The following ARHGAP32 variants were observed in gnomAD, a reference collection of about 807,000 sequenced individuals.
The protein encoded by ARHGAP32 is Rho GTPase activating protein 32, also known as rho GTPase-activating protein 32.
In ARHGAP32, 51 loss-of-function variants were observed where a neutral mutation model predicts 186.5. The observed-to-expected ratio is 0.27, with a 90% CI of 0.22 to 0.35. ARHGAP32 has a LOEUF of 0.35. Among genes scored for constraint, ARHGAP32 ranks in the 10% least tolerant of loss-of-function variants. The pLI is 1.00. For missense variants in ARHGAP32, 2,186 were observed against 2,623.5 expected, an observed-to-expected ratio of 0.83 and a Z score of 3.64; for synonymous variants, 950 against 964.3, an observed-to-expected ratio of 0.99 and a Z score of 0.27.
chr11:129,137,635 A>C (rs996285986), intron 2 of ARHGAP32, among the ~76,000 whole-genome samples: 2 of 152,038 alleles, frequency 1.3e-5, no homozygotes, highest in African/African-American at 4.8e-5. Context: ...AATAGTTGTT[A>C]ATGTCACTAA....
At position 128,969,737 on chromosome 11, in the gene ARHGAP32, T is replaced by C; in HGVS notation, c.5476A>G (p.Ser1826Gly). Residue 1826 changes from serine (S) to glycine (G), a missense_variant, in exon 23 of 23, where the codon AGC (serine) becomes GGC (glycine). Physicochemically the swap from Ser to Gly is moderately conservative, Grantham distance 56. Around this residue, in one of 5 missense-constraint regions of ARHGAP32, gnomAD observed 1,502 missense variants for 1,570.0 expected, o/e 0.96. Coordinates refer to ENST00000682385, the MANE Select transcript of ARHGAP32 (RefSeq NM_001378024.1). This position sits in a 1 kb window ranked among gnomAD's most constrained non-coding sequence, Gnocchi z 4.8. ...GLLSVAEGKE[S>G]RHAAKAISPE... ...CTGATGGCCTTGGCTGCATGGCGGC[T>C]CTCCTTTCCTTCTGCCACTGAGAGA... The C allele has an allele frequency of 6.2e-7, 1 of 1,614,134 alleles. No individual in the cohort carries two copies. The highest frequency in any genetic ancestry group is 8.5e-7 in the Non-Finnish European group (1 of 1,180,016).
At chr11:129,168,233 A>G (rs954571354) in intron 1 of ARHGAP32, among the ~76,000 whole-genome samples, 3 of 152,144 alleles carry the variant, frequency 2.0e-5, no homozygotes, top group Non-Finnish European at 2.9e-5. Flanking sequence ...GTGACAGAAA[A>G]GCAACTTGTC....
chr11:129,074,856 T>C (rs1410552997), intron 6 of ARHGAP32, among the ~76,000 whole-genome samples: 1 of 152,006 alleles, frequency 6.6e-6, no homozygotes, highest in Non-Finnish European at 1.5e-5. Context: ...ACATATAAAA[T>C]GCTCAATTAA....
chr11:128,969,296 G>A lies in ARHGAP32; in HGVS notation c.5917C>T (p.Pro1973Ser). ...ERPWVRQPSA[P>S]EKHSRDCYKE... ...TAGCAGTCTCTGGAGTGTTTCTCTG[G>A]GGCAGAAGGCTGCCTAACCCAGGGT... The change falls in exon 23 of 23, where the codon CCA becomes TCA. Residue 1973 changes from proline (P) to serine (S), a missense_variant. Pro to Ser is a moderately conservative substitution (Grantham distance 74). Coordinates refer to ENST00000682385, the MANE Select transcript of ARHGAP32 (RefSeq NM_001378024.1). This position sits in a 1 kb window ranked among gnomAD's most constrained non-coding sequence, Gnocchi z 4.8. 2 of 1,614,166 alleles carry A rather than the reference G, an allele frequency of 1.2e-6. No individual in the cohort carries two copies. Among genetic ancestry groups the A allele is most frequent in the South Asian group, 1.1e-5 (1 of 91,074 alleles).
intron 1 of ARHGAP32, among the ~76,000 whole-genome samples, chr11:129,253,927 G>A (rs34277711): frequency 0.091 from 13,765 of 152,064 alleles, 848 homozygotes; most frequent in South Asian, 0.25. Flanking sequence ...CACTGTGACC[G>A]ATATCATAGA....
chr11:129,007,802 G>T (rs1937864252), intron 11 of ARHGAP32, among the ~76,000 whole-genome samples: 1 of 152,156 alleles, frequency 6.6e-6, no homozygotes, highest in Non-Finnish European at 1.5e-5. Context: ...CCTAGGAGTT[G>T]CAGTCCTTGC....
intron 1 of ARHGAP32, among the ~76,000 whole-genome samples, chr11:129,249,115 GAATT>G (rs1315190322): frequency 6.6e-6 from 1 of 151,936 alleles, no homozygotes; most frequent in Non-Finnish European, 1.5e-5. Flanking sequence ...AATCTTTCTA[GAATT>G]CATTAAGAAC....
chr11:129,002,494 G>C (rs1329782087), intron 11 of ARHGAP32, among the ~76,000 whole-genome samples: 4 of 152,110 alleles, frequency 2.6e-5, no homozygotes, highest in Non-Finnish European at 5.9e-5. Context: ...TTTTTTGGTG[G>C]AGTATTTAGG....
intron 6 of ARHGAP32, among the ~76,000 whole-genome samples, chr11:129,091,185 A>G (rs2135262624): frequency 6.6e-6 from 1 of 152,252 alleles, no homozygotes. Flanking sequence ...AGACACACCA[A>G]TATGGGTAAA....
chr11:129,012,123 A>T (rs995027469), intron 11 of ARHGAP32, among the ~76,000 whole-genome samples: 2 of 152,158 alleles, frequency 1.3e-5, no homozygotes, highest in African/African-American at 4.8e-5. Flanking sequence ...TAAAATATTT[A>T]AAAAAGGACC....
In ARHGAP32 at chr11:128,968,955, G is replaced by C. The variant is rs116891747; in HGVS notation, c.6258C>G (p.Pro2086=). 1 of 1,564,540 alleles carries C rather than the reference G, an allele frequency of 6.4e-7. No homozygotes were observed. The highest frequency in any genetic ancestry group is 8.7e-7 in the Non-Finnish European group (1 of 1,150,654). Residue 2086 remains proline (P), a synonymous_variant, in exon 23 of 23, where the codon CCC becomes CCG. Transcript: ENST00000682385. ...ATALGQGAFL[P]AELSLQHPET... ...CAGGATGCTGCAAGGACAACTCTGC[G>C]GGCAGGAAGGCCCCTTGACCCAACG...
intron 1 of ARHGAP32, among the ~76,000 whole-genome samples, chr11:129,167,017 T>G (rs1227446673): frequency 6.6e-6 from 1 of 151,986 alleles, no homozygotes; most frequent in African/African-American, 2.4e-5. Flanking sequence ...GTCTCTATAG[T>G]GAACACTAGA....
In ARHGAP32 at chr11:128,970,286, G is replaced by A. The variant is rs200701464; in HGVS notation, c.4927C>T (p.Arg1643Cys). Reference protein sequence around the residue: ...QYKPYQSSQARSDYHVTQLQP... With the variant: ...QYKPYQSSQACSDYHVTQLQP... ...AGCTGAGTGACATGATAATCTGAGC[G>A]GGCCTGGGAGGACTGATATGGCTTA... The change falls in exon 23 of 23, where the codon CGC becomes TGC. Residue 1643 changes from arginine to cysteine, a missense_variant. Physicochemically the swap from Arg to Cys is radical, Grantham distance 180. This residue lies in a region of ARHGAP32 where 1,502 missense variants were observed against 1,570.0 expected (regional missense o/e 0.96). Transcript: ENST00000682385. The surrounding 1 kb of genome is among the most constrained non-coding windows in gnomAD (Gnocchi z 5.8). 17 of 1,614,136 alleles carry A rather than the reference G, an allele frequency of 1.1e-5. 1 individual carries two copies. The highest frequency in any genetic ancestry group is 3.3e-4 in the Middle Eastern group (2 of 6,062).
intron 1 of ARHGAP32, among the ~76,000 whole-genome samples, chr11:129,267,267 G>A (rs934792991): frequency 1.6e-4 from 24 of 152,260 alleles, no homozygotes; most frequent in African/African-American, 5.3e-4. Flanking sequence ...AGGAGGTTGA[G>A]GCAGGAAAAT....
At chr11:129,086,637 C>G (rs189094703) in intron 6 of ARHGAP32, among the ~76,000 whole-genome samples, 2 of 151,908 alleles carry the variant, frequency 1.3e-5, no homozygotes, top group Non-Finnish European at 2.9e-5. Flanking sequence ...CCGGCTAGCA[C>G]GGTGAAACCC....
Position 129,063,887 on chromosome 11 carries a change from A to G in ARHGAP32, c.885+15T>C, listed in dbSNP as rs772416064. 103 of 1,593,646 alleles carry G rather than the reference A, an allele frequency of 6.5e-5. No homozygotes were observed. Among genetic ancestry groups the G allele is most frequent in the Non-Finnish European group, 8.5e-5 (100 of 1,172,962 alleles). Reference sequence around the variant, plus strand: ...AGCAAGAACCAAATAACAAACAACCACTTTAACTATTTACCTCTAAGGTCA... The same window carrying G: ...AGCAAGAACCAAATAACAAACAACCGCTTTAACTATTTACCTCTAAGGTCA... On this transcript the variant is annotated intron_variant, in intron 9 of 22. Transcript: ENST00000682385.
rs776226500 is a variant in ARHGAP32 at position 129,269,529 on chromosome 11, C to A, written c.-5+9617G>T. On this transcript the variant is annotated intron_variant, in intron 1 of 6. Coordinates refer to the ARHGAP32 transcript ENST00000525234. The stretch of plus-strand genomic sequence containing the variant: ...ATCCTTTGAACCCAAGAGTTTGACA[C>A]CAGCCTGGACAACATAGAGAGACTT... 3.9e-5 allele frequency among the ~76,000 whole-genome samples: 6 copies of A among 152,180 alleles called. No individual in the cohort carries two copies. In the East Asian group the frequency reaches 5.8e-4, roughly 15 times the overall value.
chr11:129,126,789 AAAGTACTTTTTC>A (rs1303537822), intron 2 of ARHGAP32, among the ~76,000 whole-genome samples: 1 of 152,206 alleles, frequency 6.6e-6, no homozygotes, highest in Non-Finnish European at 1.5e-5. Flanking sequence ...CATTCAACTG[AAAGTACTTTTTC>A]ATGCAATATT....
intron 11 of ARHGAP32, 51 bp downstream of exon 11, chr11:129,040,877 G>T: frequency 2.3e-6 from 3 of 1,298,282 alleles, no homozygotes; most frequent in Non-Finnish European, 3.3e-6. Flanking sequence ...GAAAATCTGT[G>T]TCTTCAAGCA....
Sources: allele counts gnomAD v4.1 joint callset (sites outside exome capture counted in the v4.1 genomes callset), GRCh38; gene constraint gnomAD v4.1.1; regional missense constraint gnomAD v4.1.1; non-coding constraint Gnocchi (gnomAD v3.1); transcripts MANE v1.5; gene names NCBI Gene and HGNC (gene_info 2026-07-23, HGNC 2026-07-21).